CDH4: variants seen among roughly 807,000 people sequenced by gnomAD.
CDH4 encodes the protein cadherin-4.
CDH4 carries 33 observed loss-of-function variants against 86.0 expected under a neutral mutation model. The observed-to-expected ratio is 0.38, with a 90% CI of 0.29 to 0.51. The LOEUF (loss-of-function observed/expected upper bound fraction) is 0.51. Ranked by LOEUF, CDH4 falls within the 20% of genes least tolerant of loss-of-function variation. The probability of loss-of-function intolerance (pLI) is 0.86; values close to 1 mark genes in which losing one functional copy is unlikely to be tolerated. For synonymous variants in CDH4, 555 were observed against 549.4 expected, an observed-to-expected ratio of 1.01 and a Z score of -0.14; for missense variants, 1,114 against 1,307.4, an observed-to-expected ratio of 0.85 and a Z score of 2.28.
chr20:61,932,590 T>G (rs1233550566), intron 13 of CDH4, among the ~76,000 whole-genome samples: 1 of 151,732 alleles, frequency 6.6e-6, no homozygotes, highest in Non-Finnish European at 1.5e-5. Context: ...CACACAGATC[T>G]ACACGCTCAC....
intron 7 of CDH4, among the ~76,000 whole-genome samples, chr20:61,890,048 T>C (rs1984742359): frequency 6.9e-6 from 1 of 145,218 alleles, no homozygotes; most frequent in African/African-American, 2.6e-5. Context: ...AGTTGGATGA[T>C]GGATGGATAG....
chr20:61,798,257 G>C (rs1031479640), intron 4 of CDH4, among the ~76,000 whole-genome samples: 1 of 150,646 alleles, frequency 6.6e-6, no homozygotes. Flanking sequence ...GGAGCACGCA[G>C]CAACAGAGGG....
At chr20:61,338,092 T>A (rs2084629315) in intron 2 of CDH4, among the ~76,000 whole-genome samples, 1 of 152,112 alleles carries the variant, frequency 6.6e-6, no homozygotes, top group Non-Finnish European at 1.5e-5. Context: ...GAGATCAGAG[T>A]CATTGAAATC....
chr20:61,605,699 C>G (rs114808194), intron 2 of CDH4, among the ~76,000 whole-genome samples: 2,372 of 152,204 alleles, frequency 0.016, 75 homozygotes, highest in African/African-American at 0.054. Flanking sequence ...TTTCCTGCCT[C>G]TCCAACCCTG....
At chr20:61,797,945 G>A (rs1228701255) in intron 4 of CDH4, among the ~76,000 whole-genome samples, 1 of 152,190 alleles carries the variant, frequency 6.6e-6, no homozygotes, top group East Asian at 1.9e-4. Flanking sequence ...GCCTCACGGG[G>A]CCCTGTGTGC....
chr20:61,296,468 G>T (rs3893279), intron 2 of CDH4, among the ~76,000 whole-genome samples: 86,264 of 151,444 alleles, frequency 0.57, 25,431 homozygotes, highest in Admixed American at 0.65. Context: ...AAAGTTTTTT[G>T]ACCATGATTC....
chr20:61,658,881 G>C (rs187023179), intron 2 of CDH4, among the ~76,000 whole-genome samples: 2 of 152,290 alleles, frequency 1.3e-5, no homozygotes, highest in East Asian at 1.9e-4. Flanking sequence ...ACCAGGGTAG[G>C]GGGGAGTGAC....
chr20:61,591,361 C>T (rs750988629), intron 2 of CDH4, among the ~76,000 whole-genome samples: 4 of 152,192 alleles, frequency 2.6e-5, no homozygotes, highest in East Asian at 1.9e-4. Flanking sequence ...TTTTCCAAAA[C>T]AACACCAGCT....
chr20:61,305,761 T>G (rs183365366), intron 2 of CDH4, among the ~76,000 whole-genome samples: 80 of 152,278 alleles, frequency 5.3e-4, no homozygotes, highest in African/African-American at 1.8e-3. Flanking sequence ...GAGCTTGTCA[T>G]TTTCATGAAA....
At chr20:61,678,479 T>C (rs761776710) in intron 2 of CDH4, among the ~76,000 whole-genome samples, 12 of 152,300 alleles carry the variant, frequency 7.9e-5, no homozygotes, top group South Asian at 2.1e-4. Context: ...ACATTAATAA[T>C]GCGAAAGTGT....
At chr20:61,438,228 A>G (rs1320731572) in intron 2 of CDH4, among the ~76,000 whole-genome samples, 1 of 152,198 alleles carries the variant, frequency 6.6e-6, no homozygotes, top group Non-Finnish European at 1.5e-5. Context: ...ATCTTGAGAA[A>G]ATGTATTGTT....
chr20:61,855,795 A>G (rs1982972682), intron 6 of CDH4, among the ~76,000 whole-genome samples: 1 of 152,236 alleles, frequency 6.6e-6, no homozygotes, highest in African/African-American at 2.4e-5. Context: ...GCCAGAGGAC[A>G]TGTTGATGCC....
intron 2 of CDH4, among the ~76,000 whole-genome samples, chr20:61,291,691 C>CTGTG (rs11281829): frequency 1.3e-5 from 2 of 152,040 alleles, no homozygotes; most frequent in Admixed American, 6.5e-5. Context: ...GGTTTCCAGT[C>CTGTG]TGACCCTATC....
chr20:61,862,485 G>C (rs1298817634), intron 6 of CDH4, among the ~76,000 whole-genome samples: 1 of 152,222 alleles, frequency 6.6e-6, no homozygotes, highest in African/African-American at 2.4e-5. Context: ...TGCAGAGGGA[G>C]GCAGATGTCT....
At chr20:61,797,111 C>G (rs1979574588) in intron 4 of CDH4, among the ~76,000 whole-genome samples, 1 of 151,946 alleles carries the variant, frequency 6.6e-6, no homozygotes, top group South Asian at 2.1e-4. Context: ...CTGGCCAGCT[C>G]CTGGTGGACA....
intron 7 of CDH4, among the ~76,000 whole-genome samples, chr20:61,889,686 T>C (rs564120705): frequency 1.1e-4 from 16 of 147,822 alleles, no homozygotes; most frequent in African/African-American, 3.5e-4. Flanking sequence ...AGTGAGTGGA[T>C]AGTTGGATGA....
chr20:61,589,837 AAAG>A (rs2086504713), intron 2 of CDH4, among the ~76,000 whole-genome samples: 2 of 150,756 alleles, frequency 1.3e-5, no homozygotes, highest in African/African-American at 4.9e-5. Flanking sequence ...AAAAAAAAAA[AAAG>A]AAAGACAAGG....
chr20:61,650,618 G>A (rs193087512), intron 2 of CDH4, among the ~76,000 whole-genome samples: 2 of 152,276 alleles, frequency 1.3e-5, no homozygotes, highest in Admixed American at 1.3e-4. Flanking sequence ...ACCCTGGCAT[G>A]AGACAAGTAG....
At chr20:61,574,263 G>A (rs1278110273) in intron 2 of CDH4, among the ~76,000 whole-genome samples, 1 of 152,238 alleles carries the variant, frequency 6.6e-6, no homozygotes, top group African/African-American at 2.4e-5. Context: ...TCTTACTGGG[G>A]CCTGCTCTCA....
Sources: gnomAD v4.1 joint callset for allele counts (sites outside exome capture counted in the v4.1 genomes callset) on GRCh38, gnomAD v4.1.1 for gene constraint, MANE v1.5 for transcripts, NCBI Gene and HGNC (gene_info 2026-07-23, HGNC 2026-07-21) for gene names.